Variants in RPAP1 observed in about 807,000 individuals in gnomAD.
RPAP1 encodes RNA polymerase II-associated protein 1.
In RPAP1, 109 loss-of-function variants were observed where a neutral mutation model predicts 142.4. The observed-to-expected ratio is 0.77, with a 90% confidence interval of 0.66 to 0.90. RPAP1 has a LOEUF of 0.90. Ranked by LOEUF, RPAP1 falls within the 40% of genes least tolerant of loss-of-function variation. The pLI is 0.00. For missense variants in RPAP1, 1,546 were observed against 1,751.7 expected, an observed-to-expected ratio of 0.88 and a Z score of 2.10; for synonymous variants, 704 against 738.9, an observed-to-expected ratio of 0.95 and a Z score of 0.77.
At chr15:41,534,676 C>T (rs188961072) in intron 6 of RPAP1, 38 bp downstream of exon 6, 1 of 1,535,040 alleles carries the variant, frequency 6.5e-7, no homozygotes, top group East Asian at 2.3e-5. Flanking sequence ...GTATTCCTCT[C>T]CTAGCCTGGT....
Position 41,540,831 on chromosome 15 carries a change from C to G in RPAP1, c.-77+3388G>C, listed in dbSNP as rs112969411. 6.4e-3 allele frequency among the ~76,000 whole-genome samples: 981 copies of G among 152,180 alleles called. 9 individuals carry two copies. Among genetic ancestry groups the G allele is most frequent in the African/African-American group, 0.023 (950 of 41,530 alleles). Reference sequence around the variant, plus strand: ...GAACTATAAAGAATCTCCTGAAGAGCAAAGGCTGCAACTACACTAAGGTTT... The same window carrying G: ...GAACTATAAAGAATCTCCTGAAGAGGAAAGGCTGCAACTACACTAAGGTTT... On this transcript the variant is annotated intron_variant, in intron 1 of 24. Coordinates refer to ENST00000304330, the MANE Select transcript of RPAP1 (RefSeq NM_015540.4).
Position 41,523,956 on chromosome 15 carries a change from T to C in RPAP1, c.2251A>G (p.Ser751Gly), listed in dbSNP as rs773259460. ...ACTAAGGAAGGGGTGGCCGAGAGGCTGGCCTCAGCAGAATCACTACAAAAG... is the reference window on the plus strand; with the variant it reads ...ACTAAGGAAGGGGTGGCCGAGAGGCCGGCCTCAGCAGAATCACTACAAAAG... ...AETISDSAEASLSATPSLVTW... is the reference protein window; with the variant it reads ...AETISDSAEAGLSATPSLVTW... Residue 751 changes from serine (S) to glycine (G), a missense_variant, in exon 17 of 25, where the codon AGC becomes GGC. By Grantham distance (56) the Ser-to-Gly change is moderately conservative. Transcript: ENST00000304330. The C allele has an allele frequency of 6.2e-7, 1 of 1,612,830 alleles. No individual in the cohort carries two copies. Among genetic ancestry groups the C allele is most frequent in the Admixed American group, 1.7e-5 (1 of 59,908 alleles).
intron 4 of RPAP1, 34 bp from the exon 5 acceptor site, chr15:41,535,666 G>A (rs1468567784): frequency 1.2e-6 from 2 of 1,603,564 alleles, no homozygotes; most frequent in African/African-American, 1.3e-5. Context: ...GGTTACTGAT[G>A]CTCATCATCC....
Position 41,524,255 on chromosome 15 carries a change from C to G in RPAP1, c.2076-1G>C. The stretch of plus-strand genomic sequence containing the variant: ...CCGCATCAGCACTGGGTAGAGCTCC[C>G]TAGGGAAGAACAGGGACTGATTTTC... On this transcript the variant is annotated splice_acceptor_variant, in intron 15 of 24. Transcript: ENST00000304330. LOFTEE classifies it high-confidence loss of function. The G allele has an allele frequency of 2.0e-6, 3 of 1,518,186 alleles. No homozygotes were observed. The East Asian group carries it at 6.8e-5, about 35-fold the overall frequency. 94.0% of individuals were successfully genotyped at this position (1,518,186 alleles called of 1,614,324 possible). A position where few individuals can be genotyped will look rare whatever the true frequency, so the allele number is the denominator to read the frequency against.
intron 17 of RPAP1, 25 bp downstream of exon 17, chr15:41,523,746 T>C: frequency 6.4e-7 from 1 of 1,566,668 alleles, no homozygotes; most frequent in Non-Finnish European, 8.6e-7. Flanking sequence ...GGGGGCCTGG[T>C]GGACAGCCGG....
intron 22 of RPAP1, chr15:41,520,162 G>A (rs1233868569): frequency 3.6e-6 from 2 of 556,856 alleles, no homozygotes; most frequent in East Asian, 3.1e-5. Context: ...TCAAACTCCT[G>A]ACCTTAAGTG....
Position 41,527,864 on chromosome 15 carries a change from T to G in RPAP1, c.1424A>C (p.Asp475Ala). The change falls in exon 11 of 25, where the codon GAT (aspartate) becomes GCT (alanine). Residue 475 changes from aspartate to alanine, a missense_variant. Transcript: ENST00000304330. ...ALRALLVAPGDEELLDSTFSW... is the reference protein window; with the variant it reads ...ALRALLVAPGAEELLDSTFSW... ...CCATTCCTATCCCTGTGGTACCTCA[T>G]CTCCAGGAGCCACCAGCAGAGCCCG... 6.2e-7 allele frequency: 1 copy of G among 1,613,866 alleles called. No homozygotes were observed. Among genetic ancestry groups the G allele is most frequent in the Non-Finnish European group, 8.5e-7 (1 of 1,179,966 alleles).
At position 41,523,772 on chromosome 15, in the gene RPAP1, T is replaced by C; in HGVS notation, c.2435A>G (p.Gln812Arg). The C allele has an allele frequency of 1.3e-6, 2 of 1,594,162 alleles. No homozygotes were observed. The highest frequency in any genetic ancestry group is 8.5e-7 in the Non-Finnish European group (1 of 1,171,148). ...LGAYYQAWSQQPSSCPEDWLQ... is the reference protein window; with the variant it reads ...LGAYYQAWSQRPSSCPEDWLQ... ...GGACAGCCGGCAGGAGGCACTCACTTGCTGGCTCCAGGCCTGGTAGTAGGC... is the reference window on the plus strand; with the variant it reads ...GGACAGCCGGCAGGAGGCACTCACTCGCTGGCTCCAGGCCTGGTAGTAGGC... Residue 812 changes from glutamine to arginine, a missense_variant and splice_region_variant, in exon 17 of 25, where the codon CAA becomes CGA. By Grantham distance (43) the Gln-to-Arg change is conservative (BLOSUM62 1). Coordinates refer to ENST00000304330, the MANE Select transcript of RPAP1 (RefSeq NM_015540.4).
intron 9 of RPAP1, 34 bp from the exon 10 acceptor site, chr15:41,528,370 G>T (rs759550568): frequency 2.0e-6 from 3 of 1,475,058 alleles, no homozygotes; most frequent in Non-Finnish European, 2.8e-6. Flanking sequence ...AAGCAGCCAG[G>T]ATACAGCACA....
At chr15:41,531,623 ATATATTTTTTTTTTTTTTT>A (rs1405773991) in intron 6 of RPAP1, among the ~76,000 whole-genome samples, 514 of 35,086 alleles carry the variant, frequency 0.015, no homozygotes, top group East Asian at 0.048. Flanking sequence ...ATATATATAT[ATATATTTTTTTTTTTTTTT>A]TTTTTTTTTT....
chr15:41,524,357 A>G (rs1475061243), intron 15 of RPAP1, 103 bp from the exon 16 acceptor site: 6 of 1,035,772 alleles, frequency 5.8e-6, no homozygotes, highest in South Asian at 2.3e-5. Context: ...ATAAAGGAGG[A>G]TGAGGAGGAA....
chr15:41,528,565 A>G (rs2051818531), intron 9 of RPAP1, among the ~76,000 whole-genome samples: 1 of 152,168 alleles, frequency 6.6e-6, no homozygotes, highest in Non-Finnish European at 1.5e-5. Context: ...GACAGGAGAG[A>G]GAGAGAAGGG....
At chr15:41,543,515 T>C (rs2051991427) in intron 1 of RPAP1, among the ~76,000 whole-genome samples, 1 of 152,016 alleles carries the variant, frequency 6.6e-6, no homozygotes, top group Non-Finnish European at 1.5e-5. Context: ...GCGCGGCCTC[T>C]ATGCTGTCTT....
chr15:41,534,034 A>C (rs1197234221), intron 6 of RPAP1, among the ~76,000 whole-genome samples: 2 of 151,646 alleles, frequency 1.3e-5, no homozygotes, highest in Non-Finnish European at 2.9e-5. Flanking sequence ...AGGCAGGAGA[A>C]TCATTTGAAC....
chr15:41,534,665 G>A (rs897263964), intron 6 of RPAP1, 49 bp downstream of exon 6: 1 of 1,380,002 alleles, frequency 7.2e-7, no homozygotes, highest in African/African-American at 1.4e-5. Flanking sequence ...CTCAATAAGT[G>A]GTATTCCTCT....
At chr15:41,523,387 C>T (rs2051751979) in intron 17 of RPAP1, 33 bp from the exon 18 acceptor site, 1 of 1,365,522 alleles carries the variant, frequency 7.3e-7, no homozygotes, top group Admixed American at 1.9e-5. Context: ...GAGCTGATGG[C>T]CCAGCCATTC....
At position 41,531,003 on chromosome 15, in the gene RPAP1, G is replaced by A. The variant is rs1172666451; in HGVS notation, c.943+20C>T. 2.5e-6 allele frequency: 4 copies of A among 1,592,662 alleles called. No homozygotes were observed. Among genetic ancestry groups the A allele is most frequent in the Non-Finnish European group, 3.4e-6 (4 of 1,163,804 alleles). Reference sequence around the variant, plus strand: ...CCCCTACTTTTATCCACCAAAATATGACCCCCGCCTCCTGCAAACCTGGGG... The same window carrying A: ...CCCCTACTTTTATCCACCAAAATATAACCCCCGCCTCCTGCAAACCTGGGG... On this transcript the variant is annotated intron_variant, in intron 7 of 24. Coordinates refer to ENST00000304330, the MANE Select transcript of RPAP1 (RefSeq NM_015540.4).
Position 41,531,103 on chromosome 15 carries a change from T to C in RPAP1, c.863A>G (p.Asn288Ser), listed in dbSNP as rs557036641. 14 of 1,613,914 alleles carry C rather than the reference T, an allele frequency of 8.7e-6. No homozygotes were observed. Among genetic ancestry groups the C allele is most frequent in the Non-Finnish European group, 1.1e-5 (13 of 1,179,984 alleles). ...CATGAGGGGTTCCTCCTTGGTGACA[T>C]TAGCAGAGGGTCCTCCTGGCCTCTG... ...EEQRPGGPSA[N>S]VTKEEPLMSA... The change falls in exon 7 of 25, where the codon AAT (asparagine) becomes AGT (serine). Residue 288 changes from asparagine (N) to serine (S), a missense_variant. Asn to Ser is a conservative substitution (Grantham distance 46, BLOSUM62 1). Coordinates refer to ENST00000304330, the MANE Select transcript of RPAP1 (RefSeq NM_015540.4).
At chr15:41,526,854 C>A (rs996075224) in intron 14 of RPAP1, 44 bp downstream of exon 14, 4 of 1,556,206 alleles carry the variant, frequency 2.6e-6, no homozygotes, top group South Asian at 1.2e-5. Flanking sequence ...CAACCCAACC[C>A]TGTCCCATGC....
Sources: allele counts gnomAD v4.1 joint callset (sites outside exome capture counted in the v4.1 genomes callset), GRCh38; gene constraint gnomAD v4.1.1; transcripts MANE v1.5; gene names NCBI Gene and HGNC (gene_info 2026-07-23, HGNC 2026-07-21).